The following BTD variants were observed in gnomAD, a reference collection of about 807,000 sequenced individuals.
BTD encodes the protein biotinidase.
Under a neutral mutation model 17.7 loss-of-function variants are expected in BTD, and 13 were observed. That is an observed-to-expected ratio of 0.74 (90% CI 0.48 to 1.17). BTD has a LOEUF of 1.17. Ranked by LOEUF, BTD falls within the 50% of genes most tolerant of loss-of-function variation. The probability of loss-of-function intolerance (pLI) is 0.00; values close to 1 mark genes in which losing one functional copy is unlikely to be tolerated. For missense variants in BTD, 674 were observed against 650.4 expected (o/e 1.04, Z -0.39); for synonymous variants, 240 against 245.2 (o/e 0.98, Z 0.20).
chr3:15,686,116 C>A, intron 3 of BTD: 1 of 1,612,358 alleles, frequency 6.2e-7, no homozygotes, highest in South Asian at 1.1e-5. Flanking sequence ...GCATCAGAGG[C>A]GTCCTGAGCA....
rs143967220 is a variant in BTD, at chr3:15,676,998, T to C, written c.400-33062T>C. ...CGTTTGCAAGGCTGCGTTGGTTGCA[T>C]TGATGAGGTTTCTATCTGTTATCTT... On this transcript the variant is annotated intron_variant, in intron 3 of 3. Coordinates refer to the BTD transcript ENST00000672141. 5.1e-5 allele frequency: 82 copies of C among 1,613,398 alleles called. No homozygotes were observed. In the Admixed American group the frequency reaches 8.8e-4, roughly 17 times the overall value.
In BTD at chr3:15,650,284, T is replaced by C. The variant is rs536159872; in HGVS notation, c.*4796T>C. ...GTTTTTTTATTTTTGTGTTCAGTAC[T>C]GAAGTAAAACAAAAATCTGAATAAC... On this transcript the variant is annotated 3_prime_UTR_variant, in exon 4 of 4. Coordinates refer to ENST00000643237, the MANE Select transcript of BTD (RefSeq NM_001370658.1). Among the ~76,000 whole-genome samples, 1 of 152,348 alleles carries C rather than the reference T, an allele frequency of 6.6e-6. No individual in the cohort carries two copies. The highest frequency in any genetic ancestry group is 2.1e-4 in the South Asian group (1 of 4,830).
At chr3:15,661,292 A>AG (rs1210496935) in intron 3 of BTD, among the ~76,000 whole-genome samples, 70 of 118,706 alleles carry the variant, frequency 5.9e-4, no homozygotes, top group Non-Finnish European at 1.1e-3. Flanking sequence ...AAAAAAAAAA[A>AG]AGAAAAAGAA....
intron 3 of BTD, among the ~76,000 whole-genome samples, chr3:15,642,609 C>G (rs963843490): frequency 3.3e-5 from 5 of 151,978 alleles, no homozygotes; most frequent in African/African-American, 7.2e-5. Flanking sequence ...CACCCACCAC[C>G]ACGCCCGGCT....
At chr3:15,661,294 GA>G (rs894881060) in intron 3 of BTD, among the ~76,000 whole-genome samples, 15 of 95,852 alleles carry the variant, frequency 1.6e-4, no homozygotes, top group East Asian at 5.1e-4. Context: ...AAAAAAAAAA[GA>G]AAAAGAAAAA....
intron 1 of BTD, among the ~76,000 whole-genome samples, chr3:15,621,438 G>A (rs1444535654): frequency 6.6e-6 from 1 of 152,140 alleles, no homozygotes; most frequent in Non-Finnish European, 1.5e-5. Context: ...TGAATGTTTG[G>A]TAGAATTCAC....
downstream of BTD, among the ~76,000 whole-genome samples, chr3:15,715,055 C>T (rs896295089): frequency 1.3e-5 from 2 of 151,980 alleles, no homozygotes; most frequent in African/African-American, 2.4e-5. Flanking sequence ...AAAATAAATA[C>T]AAATAATTAA....
chr3:15,678,405 G>A (rs2067183299), intron 3 of BTD: 1 of 1,506,130 alleles, frequency 6.6e-7, no homozygotes, highest in Non-Finnish European at 8.9e-7. Flanking sequence ...TGTTATATAT[G>A]CTGGAAAAAT....
Position 15,711,111 on chromosome 3 carries a change from T to A in BTD, c.*1037T>A, listed in dbSNP as rs919192452. On this transcript the variant is annotated 3_prime_UTR_variant, in exon 4 of 4. Coordinates refer to the BTD transcript ENST00000672141. Reference sequence around the variant, plus strand: ...AAACAACTCCTGTTTTGTTTTCTATTTTCTGGCAGCCCAGAATTAATAAAA... The same window carrying A: ...AAACAACTCCTGTTTTGTTTTCTATATTCTGGCAGCCCAGAATTAATAAAA... 2.7e-5 allele frequency: 28 copies of A among 1,041,754 alleles called. No homozygotes were observed. The South Asian group carries it at 4.7e-4, about 18-fold the overall frequency. 64.5% of individuals were successfully genotyped at this position (1,041,754 alleles called of 1,614,324 possible).
intron 3 of BTD, among the ~76,000 whole-genome samples, chr3:15,694,968 C>T (rs2069326285): frequency 6.6e-6 from 1 of 152,132 alleles, no homozygotes; most frequent in Non-Finnish European, 1.5e-5. Context: ...GGACCACAGA[C>T]TAAGAGCTTT....
chr3:15,644,210 C>T (rs910006828), intron 3 of BTD, 106 bp from the exon 4 acceptor site: 91 of 1,169,286 alleles, frequency 7.8e-5, no homozygotes, highest in Non-Finnish European at 1.1e-4. Flanking sequence ...CCGTGTTAGC[C>T]AGGGTGGTCT....
chr3:15,631,963 C>G (rs1446560833), intron 1 of BTD, among the ~76,000 whole-genome samples: 2 of 152,148 alleles, frequency 1.3e-5, no homozygotes, highest in African/African-American at 4.8e-5. Context: ...TCATTTCTCT[C>G]TCTGTGATTC....
chr3:15,687,070 G>A (rs2068213316), intron 3 of BTD, among the ~76,000 whole-genome samples: 2 of 151,652 alleles, frequency 1.3e-5, no homozygotes. Flanking sequence ...AGCCTCCCAA[G>A]TAGCTGGGAT....
chr3:15,679,634 G>T, intron 3 of BTD: 1 of 1,178,124 alleles, frequency 8.5e-7, no homozygotes, highest in Non-Finnish European at 1.2e-6. Flanking sequence ...GTACATGTAA[G>T]TGTTTAAAGG....
intron 3 of BTD, chr3:15,678,105 A>T: frequency 8.7e-7 from 1 of 1,154,120 alleles, no homozygotes; most frequent in South Asian, 1.7e-5. Context: ...TTTAAGTCTT[A>T]GGAGTGGTAA....
intron 3 of BTD, chr3:15,684,069 T>C (rs1290661615): frequency 2.6e-5 from 4 of 152,200 alleles, no homozygotes; most frequent in African/African-American, 7.2e-5. Context: ...ACACTGAAAT[T>C]GAAAACAAAT....
chr3:15,676,003 C>T (rs1220646680), intron 3 of BTD: 1 of 1,606,434 alleles, frequency 6.2e-7, no homozygotes, highest in Non-Finnish European at 8.5e-7. Context: ...GGGGAAAAAA[C>T]ATGATACATG....
chr3:15,638,137 G>C (rs572289362), intron 2 of BTD, among the ~76,000 whole-genome samples: 3 of 152,070 alleles, frequency 2.0e-5, no homozygotes, highest in Non-Finnish European at 2.9e-5. Context: ...TCAAAGAATC[G>C]AGAATTGCAT....
intron 3 of BTD, among the ~76,000 whole-genome samples, chr3:15,693,748 G>A (rs757974474): frequency 3.9e-5 from 6 of 152,070 alleles, no homozygotes; most frequent in Non-Finnish European, 8.8e-5. Flanking sequence ...TGTTTCCAAG[G>A]ACTCAAAGGG....
Sources: allele counts gnomAD v4.1 joint callset (sites outside exome capture counted in the v4.1 genomes callset), GRCh38; gene constraint gnomAD v4.1.1; transcripts MANE v1.5; gene names NCBI Gene and HGNC (gene_info 2026-07-23, HGNC 2026-07-21).